The following SSRP1 variants were observed in gnomAD, a reference collection of about 807,000 sequenced individuals.
The protein encoded by SSRP1 is structure specific recognition protein 1, also known as FACT complex subunit SSRP1.
Under a neutral mutation model 84.4 loss-of-function variants are expected in SSRP1, and 21 were observed. The ratio of observed to expected loss-of-function variants is 0.25; its 90% CI spans 0.18 to 0.36. The LOEUF is 0.36. Ranked by LOEUF, SSRP1 falls within the 10% of genes least tolerant of loss-of-function variation. SSRP1 has a pLI of 1.00. For missense variants in SSRP1, 519 were observed against 900.8 expected, an observed-to-expected ratio of 0.58 and a Z score of 5.43; for synonymous variants, 319 against 318.3, an observed-to-expected ratio of 1.00 and a Z score of -0.02.
chr11:57,330,364 C>T lies in SSRP1; in HGVS notation c.1362G>A (p.Glu454=). The T allele has an allele frequency of 6.2e-7, 1 of 1,614,206 alleles. No homozygotes were observed. Among genetic ancestry groups the T allele is most frequent in the Non-Finnish European group, 8.5e-7 (1 of 1,180,048 alleles). The part of the protein sequence containing the change: ...SDEDQHDAYL[E]RMKEEGKIRE... ...GGATCTTGCCTTCCTCCTTCATCCT[C>T]TCCAAGTAGGCATCATGCTGGTCCT... is the stretch of plus-strand genomic sequence containing the variant. Residue 454 remains glutamate (E), a synonymous_variant, in exon 11 of 17, where the codon GAG becomes GAA. Transcript: ENST00000278412. The surrounding 1 kb of genome is among the most constrained non-coding windows in gnomAD (Gnocchi z 4.0).
intron 12 of SSRP1, chr11:57,329,887 T>G: frequency 3.0e-6 from 2 of 657,302 alleles, no homozygotes; most frequent in Non-Finnish European, 5.2e-6. Flanking sequence ...TAGATCCCAC[T>G]ATACTTTTCC....
chr11:57,327,403 T>G lies in SSRP1; in HGVS notation c.1871+23A>C, dbSNP rs1042309905. ...AAAGTCTGCCACAAAAATCAGTGAC[T>G]GGGCCATGTTCTCGACACTCACCTC... On this transcript the variant is annotated intron_variant, in intron 15 of 16. Coordinates refer to ENST00000278412, the MANE Select transcript of SSRP1 (RefSeq NM_003146.3). The G allele has an allele frequency of 1.9e-6, 3 of 1,597,746 alleles. No homozygotes were observed. In the African/African-American group the frequency reaches 4.1e-5, roughly 22 times the overall value.
chr11:57,327,893 A>T lies in SSRP1; in HGVS notation c.1612-11T>A. 1 of 1,610,588 alleles carries T rather than the reference A, an allele frequency of 6.2e-7. No individual in the cohort carries two copies. The highest frequency in any genetic ancestry group is 8.5e-7 in the Non-Finnish European group (1 of 1,177,608). ...TTTGCCCTTCTTCACCTACATAAGA[A>T]CCCAAATGCCTTCAGCTATTTCCCA... On this transcript the variant is annotated splice_polypyrimidine_tract_variant and intron_variant, in intron 13 of 16. Transcript: ENST00000278412.
intron 9 of SSRP1, among the ~76,000 whole-genome samples, 168 bp downstream of exon 9, chr11:57,331,500 G>A (rs1407121622): frequency 1.3e-5 from 2 of 152,018 alleles, no homozygotes; most frequent in African/African-American, 2.4e-5. Flanking sequence ...AGAAAGCAAT[G>A]GAGAGGTTTC....
rs374571875 is a variant in SSRP1, at chr11:57,327,366, G to C, written c.1871+60C>G. The C allele has an allele frequency of 1.6e-4, 236 of 1,519,062 alleles. 1 individual carries two copies. The African/African-American group carries it at 3.0e-3, about 19-fold the overall frequency. 94.1% of individuals were successfully genotyped at this position (1,519,062 alleles called of 1,614,324 possible). A position where few individuals can be genotyped will look rare whatever the true frequency, so the allele number is the denominator to read the frequency against. ...ACTTTCCAATGCTCAACTTCGGCCT[G>C]TTAAAAAAAAAAAAGTCTGCCACAA... On this transcript the variant is annotated intron_variant, in intron 15 of 16. Transcript: ENST00000278412.
chr11:57,331,620 C>G, intron 9 of SSRP1, 48 bp downstream of exon 9: 1 of 1,519,930 alleles, frequency 6.6e-7, no homozygotes, highest in Non-Finnish European at 9.1e-7. Flanking sequence ...CTAGACAAAG[C>G]TGGCTCGGGA....
chr11:57,329,690 ACTG>A (rs1856051894), intron 12 of SSRP1: 1 of 243,262 alleles, frequency 4.1e-6, no homozygotes, highest in Admixed American at 5.0e-5. Flanking sequence ...CATTTCTGAC[ACTG>A]CTAACAAAAA....
chr11:57,331,945 G>GT (rs1856100443), intron 8 of SSRP1, 56 bp from the exon 9 acceptor site: 2 of 1,538,668 alleles, frequency 1.3e-6, no homozygotes, highest in South Asian at 1.2e-5. Flanking sequence ...GGCAAAGGGC[G>GT]TATCTAGCAG....
intron 3 of SSRP1, among the ~76,000 whole-genome samples, chr11:57,333,742 G>A (rs937563335): frequency 6.6e-6 from 1 of 152,148 alleles, no homozygotes; most frequent in Non-Finnish European, 1.5e-5. Context: ...TCCTGGTTAC[G>A]GGCCATCTGA....
At position 57,332,503 on chromosome 11, in the gene SSRP1, C is replaced by T. The variant is rs754334380; in HGVS notation, c.769-17G>A. ...CAGGCTGATCTAGTAAGGAAGAGTA[C>T]TAATTGACACTCTACAACAACTTGC... is the stretch of plus-strand genomic sequence containing the variant. On this transcript the variant is annotated splice_polypyrimidine_tract_variant and intron_variant, in intron 6 of 16. Coordinates refer to ENST00000278412, the MANE Select transcript of SSRP1 (RefSeq NM_003146.3). This position sits in a 1 kb window ranked among gnomAD's most constrained non-coding sequence, Gnocchi z 5.5. 1.2e-6 allele frequency: 2 copies of T among 1,613,304 alleles called. No homozygotes were observed. The highest frequency in any genetic ancestry group is 2.2e-5 in the South Asian group (2 of 91,038).
Position 57,326,830 on chromosome 11 carries a change from G to C in SSRP1, c.1931C>G (p.Ser644Cys), listed in dbSNP as rs751423235. 1 of 1,614,158 alleles carries C rather than the reference G, an allele frequency of 6.2e-7. No individual in the cohort carries two copies. Residue 644 changes from serine to cysteine, a missense_variant, in exon 16 of 17, where the codon TCT becomes TGT. Around this residue, in one of 7 missense-constraint regions of SSRP1, gnomAD observed 197 missense variants for 265.0 expected, o/e 0.74. Transcript: ENST00000278412. Reference protein sequence around the residue: ...KVKMEKKSTPSRGSSSKSSSR... With the variant: ...KVKMEKKSTPCRGSSSKSSSR... ...GGACGACTTGGATGATGAGCCCCTA[G>C]AGGGCGTGGATTTCTTTTCCATCTT...
intron 13 of SSRP1, 102 bp downstream of exon 13, chr11:57,328,195 G>C: frequency 2.0e-6 from 3 of 1,513,812 alleles, no homozygotes; most frequent in Non-Finnish European, 2.7e-6. Flanking sequence ...CCCCAAGGAA[G>C]AACAGGTCCT....
At chr11:57,326,506 A>G in intron 16 of SSRP1, 28 bp from the exon 17 acceptor site, 2 of 1,613,738 alleles carry the variant, frequency 1.2e-6, no homozygotes, top group Non-Finnish European at 1.7e-6. Context: ...CTTAAGGGAA[A>G]AGCTGGAGTC....
In SSRP1 at chr11:57,335,889, A is replaced by G. The variant is rs1856210019; in HGVS notation, c.-279T>C. ...ACCGGAAGCCGTACACAGGCCACAG[A>G]GAGGATGAGCTGGCTAGAGAGACGC... On this transcript the variant is annotated 5_prime_UTR_variant, in exon 1 of 17. Coordinates refer to ENST00000278412, the MANE Select transcript of SSRP1 (RefSeq NM_003146.3). The surrounding 1 kb of genome is among the most constrained non-coding windows in gnomAD (Gnocchi z 4.6). 1 of 152,184 alleles carries G rather than the reference A, an allele frequency of 6.6e-6. No individual in the cohort carries two copies. The highest frequency in any genetic ancestry group is 2.4e-5 in the African/African-American group (1 of 41,422). 9.4% of individuals were successfully genotyped at this position (152,184 alleles called of 1,614,324 possible). A position where few individuals can be genotyped will look rare whatever the true frequency, so the allele number is the denominator to read the frequency against.
intron 13 of SSRP1, 29 bp from the exon 14 acceptor site, chr11:57,327,911 A>G (rs993836308): frequency 5.0e-6 from 8 of 1,606,428 alleles, no homozygotes; most frequent in Non-Finnish European, 6.8e-6. Context: ...GCCTTCAGCT[A>G]TTTCCCACAG....
In SSRP1 at chr11:57,327,754, C is replaced by G; in HGVS notation, c.1740G>C (p.Lys580Asn). 6.2e-7 allele frequency: 1 copy of G among 1,614,166 alleles called. No homozygotes were observed. Among genetic ancestry groups the G allele is most frequent in the Non-Finnish European group, 8.5e-7 (1 of 1,180,040 alleles). The change falls in exon 14 of 17, where the codon AAG becomes AAC. Residue 580 changes from lysine to asparagine, a missense_variant. By Grantham distance (94) the Lys-to-Asn change is moderately conservative. Transcript: ENST00000278412. ...ACATTCCCTTCCAGATCTCGCCTGC[C>G]TTCTTGGAAAGATCCGTGATGCTGA... ...PGISITDLSK[K>N]AGEIWKGMSK...
rs150313773 is a variant in SSRP1, at chr11:57,326,585, C to G, written c.2059-107G>C. 291 of 1,590,606 alleles carry G rather than the reference C, an allele frequency of 1.8e-4. No homozygotes were observed. In the African/African-American group the frequency reaches 3.6e-3, roughly 20 times the overall value. ...TACCGCCCCCAACTACAGCACCCCC[C>G]TTCAGAACCTCAGAATTCCACCATC... is the stretch of plus-strand genomic sequence containing the variant. On this transcript the variant is annotated intron_variant, in intron 16 of 16. Transcript: ENST00000278412.
chr11:57,333,256 G>C (rs1181560173), intron 4 of SSRP1, 107 bp from the exon 5 acceptor site: 1 of 1,321,408 alleles, frequency 7.6e-7, no homozygotes, highest in Admixed American at 2.1e-5. Flanking sequence ...CGGTTAGTCT[G>C]TTTAGACTAT....
At chr11:57,333,298 C>G (rs1856133625) in intron 4 of SSRP1, 137 bp downstream of exon 4, 2 of 1,114,852 alleles carry the variant, frequency 1.8e-6, no homozygotes, top group Admixed American at 2.1e-5. Context: ...ACTGTAGGTA[C>G]TCAATAAACA....
Sources: gnomAD v4.1 joint callset for allele counts (sites outside exome capture counted in the v4.1 genomes callset) on GRCh38, gnomAD v4.1.1 for gene constraint, gnomAD v4.1.1 regional missense constraint, Gnocchi (gnomAD v3.1) non-coding constraint, MANE v1.5 for transcripts, NCBI Gene and HGNC (gene_info 2026-07-23, HGNC 2026-07-21) for gene names.